Variants in RREB1 observed in about 807,000 individuals in gnomAD.
The protein encoded by RREB1 is ras responsive element binding protein 1.
Under a neutral mutation model 117.8 loss-of-function variants are expected in RREB1, and 27 were observed. The observed-to-expected ratio is 0.23, with a 90% CI of 0.17 to 0.32. RREB1 has a LOEUF of 0.32. Ranked by LOEUF, RREB1 falls within the 10% of genes least tolerant of loss-of-function variation. The pLI, the probability that RREB1 is intolerant of heterozygous loss-of-function variation, is 1.00. For synonymous variants in RREB1, 1,298 were observed against 1,026.7 expected (o/e 1.26, Z -5.05); for missense variants, 2,577 against 2,378.2 (o/e 1.08, Z -1.74).
At position 7,126,371 on chromosome 6, in the gene RREB1, C is replaced by T. The variant is rs185270678; in HGVS notation, c.-285+18311C>T. Among the ~76,000 whole-genome samples, 185 of 152,028 alleles carry T rather than the reference C, an allele frequency of 1.2e-3. 2 individuals are homozygous for T. The highest frequency in any genetic ancestry group is 2.1e-4 in the Non-Finnish European group (14 of 67,966). On this transcript the variant is annotated intron_variant, in intron 1 of 12. Transcript: ENST00000379938. ...ACAACCTCCGCCTCCCAGGTTCAAG[C>T]GATTCTCCTGTCTTAGCCTCCCTAG...
chr6:7,233,658 G>A (rs924924124), intron 10 of RREB1, among the ~76,000 whole-genome samples: 4 of 152,000 alleles, frequency 2.6e-5, no homozygotes, highest in Non-Finnish European at 4.4e-5. Context: ...TTCTTTTTGC[G>A]CTAAATATGG....
In RREB1 at chr6:7,230,732, C is replaced by T. The variant is rs747334860; in HGVS notation, c.2633C>T (p.Pro878Leu). ...CTTCACAGGGGCCCCACCCAGCCTC[C>T]ACCTCCCCATGTCTCGATCAAGTTG... The part of the protein sequence containing the change: ...GFLHRGPTQP[P>L]PPHVSIKLEP... The change falls in exon 10 of 13, where the codon CCA (proline) becomes CTA (leucine). Residue 878 changes from proline (P) to leucine (L), a missense_variant. By Grantham distance (98) the Pro-to-Leu change is moderately conservative. Transcript: ENST00000379938. 3.1e-6 allele frequency: 5 copies of T among 1,602,592 alleles called. No individual in the cohort carries two copies. The African/African-American group carries it at 4.0e-5, about 13-fold the overall frequency.
intron 1 of RREB1, among the ~76,000 whole-genome samples, chr6:7,173,305 T>C (rs1158191244): frequency 6.6e-6 from 1 of 151,644 alleles, no homozygotes; most frequent in Admixed American, 6.6e-5. Flanking sequence ...TCACCTTAGG[T>C]CAGGAGTTCG....
rs750493154 is a variant in RREB1 at position 7,229,284 on chromosome 6, A to G, written c.1185A>G (p.Thr395=). 3 of 1,614,010 alleles carry G rather than the reference A, an allele frequency of 1.9e-6. No homozygotes were observed. Among genetic ancestry groups the G allele is most frequent in the South Asian group, 2.2e-5 (2 of 91,074 alleles). Residue 395 remains threonine (T), a synonymous_variant, in exon 10 of 13, where the codon ACA becomes ACG. Coordinates refer to ENST00000379938, the MANE Select transcript of RREB1 (RefSeq NM_001003699.4). The surrounding 1 kb of genome is among the most constrained non-coding windows in gnomAD (Gnocchi z 4.5). ...ACAACCAGGCAATTCAGCTCCAGAC[A>G]CTCAAGTGTCAGCTACCTCAGGACC... ...PDDNQAIQLQ[T]LKCQLPQDPG... is the part of the protein sequence containing the mutation.
chr6:7,150,676 A>T (rs956090166), intron 1 of RREB1, among the ~76,000 whole-genome samples: 2 of 152,368 alleles, frequency 1.3e-5, no homozygotes, highest in South Asian at 4.1e-4. Context: ...AAAAGTAAGA[A>T]AAACCAGGAC....
chr6:7,138,531 A>C (rs1561738437), intron 1 of RREB1, among the ~76,000 whole-genome samples: 2 of 152,258 alleles, frequency 1.3e-5, no homozygotes, highest in Non-Finnish European at 2.9e-5. Context: ...ATGAAAGTTT[A>C]GTCATTGTAA....
intron 1 of RREB1, among the ~76,000 whole-genome samples, chr6:7,109,680 T>A (rs1043180847): frequency 1.3e-5 from 2 of 152,246 alleles, no homozygotes; most frequent in African/African-American, 4.8e-5. Context: ...TTGCCCTCCC[T>A]CGCTCCTTAC....
chr6:7,149,991 G>C (rs1287458015), intron 1 of RREB1, among the ~76,000 whole-genome samples: 1 of 144,164 alleles, frequency 6.9e-6, no homozygotes, highest in African/African-American at 2.6e-5. Flanking sequence ...GCCTGGCCTG[G>C]TTGGTTTTTT....
intron 1 of RREB1, among the ~76,000 whole-genome samples, chr6:7,138,182 A>C (rs1446379646): frequency 1.3e-5 from 2 of 152,222 alleles, no homozygotes; most frequent in Non-Finnish European, 2.9e-5. Flanking sequence ...TTTAAGCTGC[A>C]TGTTGGTCCA....
At chr6:7,169,353 G>T (rs904885936) in intron 1 of RREB1, among the ~76,000 whole-genome samples, 1 of 152,240 alleles carries the variant, frequency 6.6e-6, no homozygotes, top group Non-Finnish European at 1.5e-5. Flanking sequence ...CAGCATGGGT[G>T]CTTCCTTATT....
chr6:7,203,915 G>T (rs763700097), intron 6 of RREB1, among the ~76,000 whole-genome samples: 10 of 152,192 alleles, frequency 6.6e-5, no homozygotes, highest in Non-Finnish European at 1.3e-4. Flanking sequence ...CTTTGTCATG[G>T]CCTCTGTGGG....
At position 7,249,988 on chromosome 6, in the gene RREB1, C is replaced by T. The variant is rs1223580236; in HGVS notation, c.*1020C>T. On this transcript the variant is annotated 3_prime_UTR_variant, in exon 13 of 13. Coordinates refer to ENST00000379938, the MANE Select transcript of RREB1 (RefSeq NM_001003699.4). ...TACTGTAATGAGACAAGCCTTTCTT[C>T]TGTCACTGCAGAATTTAGAAGGGGC... 1.3e-5 allele frequency: 2 copies of T among 152,566 alleles called. No individual in the cohort carries two copies. The highest frequency in any genetic ancestry group is 4.8e-5 in the African/African-American group (2 of 41,422). The allele number at this position is 152,566 out of a possible 1,614,324, so 9.5% of individuals were successfully genotyped here.
intron 6 of RREB1, among the ~76,000 whole-genome samples, chr6:7,197,769 C>T (rs1765743562): frequency 6.6e-6 from 1 of 152,068 alleles, no homozygotes; most frequent in Non-Finnish European, 1.5e-5. Context: ...TTTCTGTTGC[C>T]AAGTATGGGA....
intron 1 of RREB1, among the ~76,000 whole-genome samples, chr6:7,167,022 C>G (rs146629923): frequency 6.6e-6 from 1 of 152,366 alleles, no homozygotes; most frequent in Non-Finnish European, 1.5e-5. Flanking sequence ...TCCCAGAACA[C>G]TCCCATTTCT....
chr6:7,126,980 A>G (rs777674440), intron 1 of RREB1, among the ~76,000 whole-genome samples: 2 of 152,196 alleles, frequency 1.3e-5, no homozygotes, highest in Non-Finnish European at 2.9e-5. Context: ...AGGGCTTGTC[A>G]TGTGGAGGAG....
At chr6:7,153,646 T>A (rs992338644) in intron 1 of RREB1, among the ~76,000 whole-genome samples, 1 of 152,222 alleles carries the variant, frequency 6.6e-6, no homozygotes, top group African/African-American at 2.4e-5. Flanking sequence ...AAATTCTGGC[T>A]GATTTTATAA....
At chr6:7,179,560 T>C (rs1581498334) in intron 2 of RREB1, among the ~76,000 whole-genome samples, 2 of 152,326 alleles carry the variant, frequency 1.3e-5, no homozygotes, top group Middle Eastern at 3.4e-3. Flanking sequence ...ATATACGTAT[T>C]TAAAAGAAGG....
chr6:7,218,658 T>C (rs1181302085), intron 8 of RREB1: 1 of 152,102 alleles, frequency 6.6e-6, no homozygotes, highest in South Asian at 2.1e-4. Context: ...GTGATAGTTA[T>C]TCCTGATAAG....
intron 2 of RREB1, among the ~76,000 whole-genome samples, chr6:7,178,234 G>T (rs544389332): frequency 6.6e-6 from 1 of 152,224 alleles, no homozygotes; most frequent in Non-Finnish European, 1.5e-5. Context: ...GCAGAAGAAA[G>T]AATGAAAAGT....
Sources: allele counts gnomAD v4.1 joint callset (sites outside exome capture counted in the v4.1 genomes callset), GRCh38; gene constraint gnomAD v4.1.1; non-coding constraint Gnocchi (gnomAD v3.1); transcripts MANE v1.5; gene names NCBI Gene and HGNC (gene_info 2026-07-23, HGNC 2026-07-21).